Variants in CHPF observed in about 807,000 individuals in gnomAD.
CHPF encodes the protein chondroitin polymerizing factor, non-catalytic subunit.
Under a neutral mutation model 55.1 loss-of-function variants are expected in CHPF, and 34 were observed. That is an observed-to-expected ratio of 0.62 (90% confidence interval 0.47 to 0.82). CHPF has a LOEUF of 0.82. Among genes scored for constraint, CHPF ranks in the 40% least tolerant of loss-of-function variants. The probability of loss-of-function intolerance (pLI) is 0.00; values close to 1 mark genes in which losing one functional copy is unlikely to be tolerated. For missense variants in CHPF, 961 were observed against 1,106.1 expected (o/e 0.87, Z 1.86); for synonymous variants, 489 against 496.6 (o/e 0.98, Z 0.20).
chr2:219,540,118 A>G lies in CHPF; in HGVS notation c.1593T>C (p.Thr531=). Residue 531 remains threonine, a synonymous_variant, in exon 4 of 4, where the codon ACT becomes ACC. Transcript: ENST00000243776. ...CAGCATCACCAGGCTCCAGTGCTGC[A>G]GTGGCAAAGGCCTCCAAGAAGCCAG... is the stretch of plus-strand genomic sequence containing the variant. The part of the protein sequence containing the change: ...LAPGFLEAFA[T]AALEPGDAAA... 1 of 1,602,344 alleles carries G rather than the reference A, an allele frequency of 6.2e-7. No homozygotes were observed. Among genetic ancestry groups the G allele is most frequent in the African/African-American group, 1.3e-5 (1 of 74,770 alleles).
rs937773157 is a variant in CHPF, at chr2:219,543,317, G to A, written c.222C>T (p.Pro74=). The stretch of plus-strand genomic sequence containing the variant: ...TCTCCCCGGCGCCTTCGCCGGCCCC[G>A]GGCTTCTCGCGCTCCGCTCCGGGCT... ...SVQPGAEREK[P]GAGEGAGENW... Residue 74 remains proline, a synonymous_variant, in exon 1 of 4, where the codon CCC becomes CCT. Coordinates refer to ENST00000243776, the MANE Select transcript of CHPF (RefSeq NM_024536.6). The A allele has an allele frequency of 1.3e-6, 2 of 1,573,452 alleles. No individual in the cohort carries two copies. The highest frequency in any genetic ancestry group is 1.1e-5 in the South Asian group (1 of 88,078).
At chr2:219,540,916 C>A in intron 3 of CHPF, 30 bp downstream of exon 3, 1 of 1,602,638 alleles carries the variant, frequency 6.2e-7, no homozygotes, top group Non-Finnish European at 8.5e-7. Context: ...CTGTCCCCGT[C>A]ACTCTGCCAC....
Position 219,539,304 on chromosome 2 carries a change from G to A in CHPF, c.*79C>T, listed in dbSNP as rs1417138216. ...GGCTACGGCCAGCCCTGCCCAGCGA[G>A]GCTGGCAGGTGGCTCTGGTTTTGGG... On this transcript the variant is annotated 3_prime_UTR_variant, in exon 4 of 4. Transcript: ENST00000243776. 1.4e-6 allele frequency: 2 copies of A among 1,413,146 alleles called. No homozygotes were observed. The highest frequency in any genetic ancestry group is 1.9e-6 in the Non-Finnish European group (2 of 1,047,304). The allele number at this position is 1,413,146 out of a possible 1,614,324, so 87.5% of individuals were successfully genotyped here.
At chr2:219,541,430 T>G in intron 2 of CHPF, 186 bp downstream of exon 2, 1 of 578,634 alleles carries the variant, frequency 1.7e-6, no homozygotes. Flanking sequence ...GCAATAATTA[T>G]TTCCATTGGC....
Position 219,543,542 on chromosome 2 carries a change from G to GCCCGGACCGCGGGT in CHPF, c.-18_-5dup. ...ACAGCAGCAGCGATGCCCGCATGGCGCCCGGACCGCGGGTCCCCGGCCCCG... is the reference window on the plus strand; with the variant it reads ...ACAGCAGCAGCGATGCCCGCATGGCGCCCGGACCGCGGGTCCCGGACCGCGGGTCCCCGGCCCCG... On this transcript the variant is annotated 5_prime_UTR_variant, in exon 1 of 4. Coordinates refer to ENST00000243776, the MANE Select transcript of CHPF (RefSeq NM_024536.6). The GCCCGGACCGCGGGT allele has an allele frequency of 5.3e-6, 7 of 1,329,724 alleles. No individual in the cohort carries two copies. In the South Asian group the frequency reaches 1.4e-4, roughly 27 times the overall value. 82.4% of individuals were successfully genotyped at this position (1,329,724 alleles called of 1,614,324 possible).
chr2:219,543,226 T>G lies in CHPF; in HGVS notation c.313A>C (p.Arg105=). The G allele has an allele frequency of 6.4e-7, 1 of 1,551,852 alleles. No individual in the cohort carries two copies. Among genetic ancestry groups the G allele is most frequent in the South Asian group, 1.2e-5 (1 of 85,862 alleles). ...AGAGCGGGCGCAGCCGATCACTACC[T>G]GACGGCCTTTTTGGCGGCCTGGCCG... ...QPGQAAKKAV[R]TRYISTELGI... is the part of the protein sequence containing the mutation. The change falls in exon 1 of 4, where the codon AGG becomes CGG. Residue 105 remains arginine, a splice_region_variant and synonymous_variant. Transcript: ENST00000243776.
chr2:219,540,834 G>C (rs899919516), intron 3 of CHPF, 112 bp downstream of exon 3: 1 of 1,414,300 alleles, frequency 7.1e-7, no homozygotes, highest in Non-Finnish European at 9.7e-7. Flanking sequence ...GGCAGGGGCT[G>C]GGAAGTAGTT....
rs556277331 is a variant in CHPF at position 219,541,508 on chromosome 2, T to C, written c.888+108A>G. 3.7e-5 allele frequency: 32 copies of C among 865,514 alleles called. No homozygotes were observed. The African/African-American group carries it at 5.4e-4, about 15-fold the overall frequency. The allele number at this position is 865,514 out of a possible 1,614,324, so 53.6% of individuals were successfully genotyped here. A position where few individuals can be genotyped will look rare whatever the true frequency, so the allele number is the denominator to read the frequency against. On this transcript the variant is annotated intron_variant, in intron 2 of 3. Transcript: ENST00000243776. ...GGGGGTCACAGAGATAGAAAATAAATGTCCGAATTGGCATGGAAAAGCAGA... is the reference window on the plus strand; with the variant it reads ...GGGGGTCACAGAGATAGAAAATAAACGTCCGAATTGGCATGGAAAAGCAGA...
chr2:219,539,610 G>A lies in CHPF; in HGVS notation c.2101C>T (p.Leu701=). ...TCGTACACATCCAGGCTCTCCAGCA[G>A]CTCCTCTTCTTGTTCTGAGGCTGCC... ...LAAASEQEEE[L]LESLDVYELF... is the part of the protein sequence containing the mutation. The change falls in exon 4 of 4, where the codon CTG becomes TTG. Residue 701 remains leucine, a synonymous_variant. Transcript: ENST00000243776. 1 of 1,613,928 alleles carries A rather than the reference G, an allele frequency of 6.2e-7. No individual in the cohort carries two copies.
rs1200985503 is a variant in CHPF, at chr2:219,540,085, G to GGCTGCCGCAGCATCACCAGGCTCCAGT, written c.1599_1625dup (p.Glu535_Leu543dup). 6.2e-7 allele frequency: 1 copy of GGCTGCCGCAGCATCACCAGGCTCCAGT among 1,606,702 alleles called. No homozygotes were observed. The highest frequency in any genetic ancestry group is 8.5e-7 in the Non-Finnish European group (1 of 1,177,164). ...GCTCATACAGTAGCAGCAGGGTCAGGGCTGCCGCAGCATCACCAGGCTCCA... is the reference window on the plus strand; with the variant it reads ...GCTCATACAGTAGCAGCAGGGTCAGGGCTGCCGCAGCATCACCAGGCTCCAGTGCTGCCGCAGCATCACCAGGCTCCA... On this transcript the variant is annotated inframe_insertion, in exon 4 of 4. Transcript: ENST00000243776.
In CHPF at chr2:219,540,538, C is replaced by A. The variant is rs776631420; in HGVS notation, c.1173G>T (p.Val391=). ...APSRPASRFE[V]LRWDYFTEQH... is the part of the protein sequence containing the mutation. ...GCTCCGTGAAGTAGTCCCAGCGCAG[C>A]ACCTCAAAGCGGGAGGCCGGGCGGG... The change falls in exon 4 of 4, where the codon GTG becomes GTT. Residue 391 remains valine (V), a synonymous_variant. Coordinates refer to ENST00000243776, the MANE Select transcript of CHPF (RefSeq NM_024536.6). 1 of 1,614,024 alleles carries A rather than the reference C, an allele frequency of 6.2e-7. No homozygotes were observed. Among genetic ancestry groups the A allele is most frequent in the Non-Finnish European group, 8.5e-7 (1 of 1,180,010 alleles).
At position 219,541,989 on chromosome 2, in the gene CHPF, C is replaced by T. The variant is rs1181845163; in HGVS notation, c.515G>A (p.Arg172Gln). 7 of 1,607,836 alleles carry T rather than the reference C, an allele frequency of 4.4e-6. No individual in the cohort carries two copies. The East Asian group carries it at 1.1e-4, about 26-fold the overall frequency. Residue 172 changes from arginine to glutamine, a missense_variant, in exon 2 of 4, where the codon CGA becomes CAA. Arg to Gln is a conservative substitution (Grantham distance 43, BLOSUM62 1). Transcript: ENST00000243776. ...GMAVVTLGEE[R>Q]PIGHLHLALR... ...CGCCAGGTGCAGGTGTCCAATGGGT[C>T]GCTCCTCGCCTAGCGTCACCACTGC...
chr2:219,539,154 A>G lies in CHPF; in HGVS notation c.*229T>C, dbSNP rs886747768. 1.8e-5 allele frequency: 10 copies of G among 549,430 alleles called. No individual in the cohort carries two copies. In the Admixed American group the frequency reaches 3.3e-4, roughly 18 times the overall value. 34.0% of individuals were successfully genotyped at this position (549,430 alleles called of 1,614,324 possible). A position where few individuals can be genotyped will look rare whatever the true frequency, so the allele number is the denominator to read the frequency against. ...GGCCACAGCCCGAATCAGCAGCGTC[A>G]GGGGGCAGGGAAACTGGGTTTGGGA... On this transcript the variant is annotated 3_prime_UTR_variant, in exon 4 of 4. Coordinates refer to ENST00000243776, the MANE Select transcript of CHPF (RefSeq NM_024536.6).
Position 219,539,750 on chromosome 2 carries a change from G to A in CHPF, c.1961C>T (p.Pro654Leu). 5 of 1,613,524 alleles carry A rather than the reference G, an allele frequency of 3.1e-6. No homozygotes were observed. Among genetic ancestry groups the A allele is most frequent in the Non-Finnish European group, 4.2e-6 (5 of 1,180,008 alleles). Residue 654 changes from proline to leucine, a missense_variant, in exon 4 of 4, where the codon CCA (proline) becomes CTA (leucine). Pro to Leu is a moderately conservative substitution (Grantham distance 98). This residue lies in a region of CHPF where 936 missense variants were observed against 1,058.4 expected (regional missense o/e 0.88). Transcript: ENST00000243776. ...CAGCTCTGGGGGCCCAGGCCCTTGT[G>A]GTGGGGCCACAGCTGGGTGGAAGGC... Reference protein sequence around the residue: ...FQAFHPAVAPPQGPGPPELGR... With the variant: ...FQAFHPAVAPLQGPGPPELGR...
chr2:219,540,986 G>C lies in CHPF; in HGVS notation c.1028C>G (p.Ala343Gly), dbSNP rs140897362. The change falls in exon 3 of 4, where the codon GCT (alanine) becomes GGT (glycine). Residue 343 changes from alanine (A) to glycine (G), a missense_variant. By Grantham distance (60) the Ala-to-Gly change is moderately conservative. Transcript: ENST00000243776. ...MYQLHKAFAR[A>G]ELERTYQEIQ... is the part of the protein sequence containing the mutation. ...CTCCTGGTACGTGCGTTCCAGTTCAGCTCGGGCGAAAGCTTTGTGCAGCTG... is the reference window on the plus strand; with the variant it reads ...CTCCTGGTACGTGCGTTCCAGTTCACCTCGGGCGAAAGCTTTGTGCAGCTG... 1.9e-6 allele frequency: 3 copies of C among 1,613,932 alleles called. No individual in the cohort carries two copies. In the African/African-American group the frequency reaches 4.0e-5, roughly 22 times the overall value.
rs371065957 is a variant in CHPF at position 219,541,939 on chromosome 2, C to T, written c.565G>A (p.Gly189Ser). The T allele has an allele frequency of 1.1e-5, 18 of 1,613,242 alleles. No individual in the cohort carries two copies. Among genetic ancestry groups the T allele is most frequent in the Admixed American group, 3.3e-5 (2 of 59,964 alleles). The change falls in exon 2 of 4, where the codon GGC becomes AGC. Residue 189 changes from glycine to serine, a missense_variant. By Grantham distance (56) the Gly-to-Ser change is moderately conservative (BLOSUM62 0). Around this residue, in one of 3 missense-constraint regions of CHPF, gnomAD observed 936 missense variants for 1,058.4 expected, o/e 0.88. Coordinates refer to ENST00000243776, the MANE Select transcript of CHPF (RefSeq NM_024536.6). ...AGGAAGAACCAGTCAAAGTCGTCGC[C>T]GTGCTGCTCCAGCAGGTGGCGCAGC... ...LALRHLLEQHGDDFDWFFLVP... is the reference protein window; with the variant it reads ...LALRHLLEQHSDDFDWFFLVP...
At position 219,539,536 on chromosome 2, in the gene CHPF, C is replaced by A. The variant is rs371656584; in HGVS notation, c.2175G>T (p.Pro725=). The part of the protein sequence containing the change: ...SSLHVLRAVE[P]ALLQRYRAQT... ...GGGCCCGGTAGCGCTGCAGCAGCGC[C>A]GGCTCCACCGCCCGCAGCACATGCA... Residue 725 remains proline, a synonymous_variant, in exon 4 of 4, where the codon CCG becomes CCT. Transcript: ENST00000243776. 3.7e-6 allele frequency: 6 copies of A among 1,613,702 alleles called. No individual in the cohort carries two copies. Among genetic ancestry groups the A allele is most frequent in the Non-Finnish European group, 4.2e-6 (5 of 1,179,946 alleles).
intron 2 of CHPF, chr2:219,541,415 C>T (rs1451637869): frequency 3.5e-6 from 2 of 563,392 alleles, no homozygotes; most frequent in African/African-American, 3.9e-5. Flanking sequence ...TTGTAACAAC[C>T]CCGAGCAATA....
Position 219,539,521 on chromosome 2 carries a change from G to C in CHPF, c.2190C>G (p.Arg730=). ...TCGCGCTGCACGTCTGGGCCCGGTAGCGCTGCAGCAGCGCCGGCTCCACCG... is the reference window on the plus strand; with the variant it reads ...TCGCGCTGCACGTCTGGGCCCGGTACCGCTGCAGCAGCGCCGGCTCCACCG... The part of the protein sequence containing the change: ...LRAVEPALLQ[R]YRAQTCSARL... Residue 730 remains arginine, a synonymous_variant, in exon 4 of 4, where the codon CGC becomes CGG. Transcript: ENST00000243776. The C allele has an allele frequency of 6.2e-7, 1 of 1,613,770 alleles. No homozygotes were observed. Among genetic ancestry groups the C allele is most frequent in the East Asian group, 2.2e-5 (1 of 44,878 alleles).
Sources: allele counts gnomAD v4.1 joint callset, GRCh38; gene constraint gnomAD v4.1.1; regional missense constraint gnomAD v4.1.1; transcripts MANE v1.5; gene names NCBI Gene and HGNC (gene_info 2026-07-23, HGNC 2026-07-21).